VDR: variants seen among roughly 807,000 people sequenced by gnomAD.
The protein encoded by VDR is vitamin D3 receptor.
A neutral mutation model predicts 39.7 loss-of-function variants in VDR; 19 were observed. The ratio of observed to expected loss-of-function variants is 0.48; its 90% confidence interval spans 0.33 to 0.70. The LOEUF is 0.70. Among genes scored for constraint, VDR ranks in the 30% least tolerant of loss-of-function variants. VDR has a pLI of 0.02. For missense variants in VDR, 442 were observed against 570.5 expected, an observed-to-expected ratio of 0.77 and a Z score of 2.29; for synonymous variants, 242 against 215.8, an observed-to-expected ratio of 1.12 and a Z score of -1.07.
At chr12:47,898,461 T>C (rs983269841) in intron 1 of VDR, 1 of 152,236 alleles carries the variant, frequency 6.6e-6, no homozygotes, top group African/African-American at 2.4e-5. Context: ...CCTATAGCAA[T>C]GCTGAACATA....
chr12:47,846,693 G>T lies in VDR; in HGVS notation c.871C>A (p.Gln291Lys), dbSNP rs1228475743. 6.2e-7 allele frequency: 1 copy of T among 1,614,076 alleles called. No individual in the cohort carries two copies. The change falls in exon 8 of 10, where the codon CAA becomes AAA. Residue 291 changes from glutamine (Q) to lysine (K), a missense_variant. Transcript: ENST00000549336. ...TCACTGACGCGGTACTTGTAGTCTT[G>T]GTTGCCACAGGTCCAGGACATGTCG... is the stretch of plus-strand genomic sequence containing the variant. ...MDDMSWTCGN[Q>K]DYKYRVSDVT...
chr12:47,855,701 G>A lies in VDR; in HGVS notation c.684C>T (p.Pro228=), dbSNP rs748274066. ...TLELSQLSML[P]HLADLVSYSI... ...TGTAACTGACCAGGTCAGCCAGGTG[G>A]GGCAGCATGGAGAGCTGGGACAGCT... The change falls in exon 7 of 10, where the codon CCC becomes CCT. Residue 228 remains proline, a synonymous_variant. Coordinates refer to ENST00000549336, the MANE Select transcript of VDR (RefSeq NM_000376.3). The A allele has an allele frequency of 3.1e-6, 5 of 1,614,056 alleles. No individual in the cohort carries two copies. The highest frequency in any genetic ancestry group is 3.3e-5 in the Admixed American group (2 of 59,996).
At chr12:47,860,585 C>G (rs187767920) in intron 4 of VDR, among the ~76,000 whole-genome samples, 1 of 152,324 alleles carries the variant, frequency 6.6e-6, no homozygotes, top group Non-Finnish European at 1.5e-5. Flanking sequence ...TAACCTTTCC[C>G]TGATGATTCA....
At chr12:47,847,960 C>T (rs918099133) in intron 7 of VDR, among the ~76,000 whole-genome samples, 1 of 151,806 alleles carries the variant, frequency 6.6e-6, no homozygotes, top group Admixed American at 6.6e-5. Flanking sequence ...AGTGCAGTGG[C>T]GCGATCTCGG....
intron 7 of VDR, among the ~76,000 whole-genome samples, chr12:47,847,603 C>T (rs1255632457): frequency 6.6e-6 from 1 of 151,952 alleles, no homozygotes; most frequent in African/African-American, 2.4e-5. Context: ...GACAGGATCT[C>T]ACTCTGTTGC....
intron 1 of VDR, among the ~76,000 whole-genome samples, chr12:47,898,188 T>C (rs1946497019): frequency 6.6e-6 from 1 of 152,216 alleles, no homozygotes; most frequent in African/African-American, 2.4e-5. Context: ...CTGAGACATG[T>C]CTCAGGCTGT....
chr12:47,864,920 G>T, intron 4 of VDR, 127 bp downstream of exon 4: 1 of 1,517,450 alleles, frequency 6.6e-7, no homozygotes, highest in Non-Finnish European at 9.0e-7. Flanking sequence ...TGAGGCCCTG[G>T]CCCCAGATGC....
chr12:47,878,084 G>A (rs370066628), intron 3 of VDR, among the ~76,000 whole-genome samples: 42 of 152,156 alleles, frequency 2.8e-4, no homozygotes, highest in Non-Finnish European at 4.7e-4. Context: ...CAACCAAGCC[G>A]ACCTCAGCAT....
rs4760648 is a variant in VDR at position 47,886,882 on chromosome 12, C to A, written c.-83-4108G>T. Reference sequence around the variant, plus strand: ...AGCTCTGTATCATGCACAGATGGAACAGCACCCCATAGCTTTCAATGGCTC... The same window carrying A: ...AGCTCTGTATCATGCACAGATGGAAAAGCACCCCATAGCTTTCAATGGCTC... On this transcript the variant is annotated intron_variant, in intron 1 of 9. Transcript: ENST00000549336. Among the ~76,000 whole-genome samples the A allele has an allele frequency of 2.2e-3, 331 of 152,102 alleles. 1 individual carries two copies. Among genetic ancestry groups the A allele is most frequent in the Non-Finnish European group, 3.8e-3 (261 of 67,990 alleles).
intron 1 of VDR, among the ~76,000 whole-genome samples, chr12:47,892,706 A>C (rs2137236820): frequency 6.7e-6 from 1 of 149,328 alleles, no homozygotes; most frequent in South Asian, 2.1e-4. Flanking sequence ...CTTACAGTCT[A>C]CCGCGGGTTG....
intron 5 of VDR, 29 bp from the exon 6 acceptor site, chr12:47,857,278 C>A: frequency 6.2e-7 from 1 of 1,614,040 alleles, no homozygotes; most frequent in South Asian, 1.1e-5. Context: ...GTCTCAGACC[C>A]ACATTTTGGG....
chr12:47,853,749 C>T (rs1335983513), intron 7 of VDR, among the ~76,000 whole-genome samples: 1 of 151,828 alleles, frequency 6.6e-6, no homozygotes. Flanking sequence ...GAGGGAAACT[C>T]TGTCTCAAAA....
intron 2 of VDR, among the ~76,000 whole-genome samples, chr12:47,882,462 C>T (rs192904626): frequency 1.5e-4 from 23 of 152,052 alleles, no homozygotes; most frequent in Non-Finnish European, 1.6e-4. Context: ...CAGCCAGGGT[C>T]GTGGCTGGAG....
intron 3 of VDR, among the ~76,000 whole-genome samples, chr12:47,873,351 CTTTTTTT>C (rs71077177): frequency 4.6e-4 from 45 of 98,448 alleles, no homozygotes; most frequent in African/African-American, 1.3e-3. Context: ...AACCTGTTTT[CTTTTTTT>C]TTTTTTTTTT....
intron 7 of VDR, among the ~76,000 whole-genome samples, 161 bp downstream of exon 7, chr12:47,855,469 G>A (rs1410497328): frequency 1.3e-5 from 2 of 151,730 alleles, no homozygotes; most frequent in African/African-American, 2.4e-5. Context: ...GCAGTGAGCC[G>A]AGATCGCGCC....
rs150142901 is a variant in VDR, at chr12:47,844,839, G to A, written c.1191C>T (p.His397=). Residue 397 remains histidine (H), a synonymous_variant, in exon 10 of 10, where the codon CAC becomes CAT. Transcript: ENST00000549336. ...AGGAGAGGCAGCGGTACTGCTTGGA[G>A]TGCTCCTCATTGAGGCTGCGCAGGT... ...LADLRSLNEE[H]SKQYRCLSFQ... 11 of 1,614,116 alleles carry A rather than the reference G, an allele frequency of 6.8e-6. No individual in the cohort carries two copies. The highest frequency in any genetic ancestry group is 1.7e-5 in the Admixed American group (1 of 60,008).
Position 47,844,986 on chromosome 12 carries a change from G to A in VDR, c.1044C>T (p.Asp348=), listed in dbSNP as rs1159240811. ...CCTGGATGGCCTCAATCAGCGCGGCGTCCTGCACCCCAGGACGATCTGTGG... is the reference window on the plus strand; with the variant it reads ...CCTGGATGGCCTCAATCAGCGCGGCATCCTGCACCCCAGGACGATCTGTGG... ...IVSPDRPGVQ[D]AALIEAIQDR... is the part of the protein sequence containing the mutation. Residue 348 remains aspartate, a synonymous_variant, in exon 10 of 10, where the codon GAC becomes GAT. Transcript: ENST00000549336. The A allele has an allele frequency of 8.7e-6, 14 of 1,613,086 alleles. No homozygotes were observed. Among genetic ancestry groups the A allele is most frequent in the South Asian group, 7.7e-5 (7 of 91,074 alleles).
At chr12:47,845,853 CT>C (rs1945269596) in intron 9 of VDR, among the ~76,000 whole-genome samples, 1 of 152,246 alleles carries the variant, frequency 6.6e-6, no homozygotes, top group African/African-American at 2.4e-5. Context: ...CCTCTTCGGC[CT>C]TTTCTCCCTC....
intron 3 of VDR, 83 bp from the exon 4 acceptor site, chr12:47,865,260 C>G (rs2137166245): frequency 1.3e-6 from 2 of 1,584,714 alleles, no homozygotes; most frequent in Admixed American, 1.7e-5. Flanking sequence ...GTCTTCTGGG[C>G]CCCCTGGTCT....
Sources: gnomAD v4.1 joint callset for allele counts (sites outside exome capture counted in the v4.1 genomes callset) on GRCh38, gnomAD v4.1.1 for gene constraint, MANE v1.5 for transcripts, NCBI Gene and HGNC (gene_info 2026-07-23, HGNC 2026-07-21) for gene names.